MAST3: variants seen among roughly 807,000 people sequenced by gnomAD.
MAST3 encodes the protein microtubule associated serine/threonine kinase 3, also known as microtubule-associated serine/threonine-protein kinase 3.
In MAST3, 43 loss-of-function variants were observed where a neutral mutation model predicts 127.0. That is an observed-to-expected ratio of 0.34 (90% CI 0.27 to 0.44). MAST3 has a LOEUF of 0.44. Among genes scored for constraint, MAST3 ranks in the 20% least tolerant of loss-of-function variants. The pLI is 1.00. For missense variants in MAST3, 1,390 were observed against 1,919.1 expected (o/e 0.72, Z 5.15); for synonymous variants, 785 against 809.2 (o/e 0.97, Z 0.51).
At chr19:18,127,703 AC>A (rs1371316213) in intron 11 of MAST3, among the ~76,000 whole-genome samples, 1 of 151,712 alleles carries the variant, frequency 6.6e-6, no homozygotes, top group Non-Finnish European at 1.5e-5. Flanking sequence ...AAATACAAAT[AC>A]AAAAATTAGC....
chr19:18,143,069 G>T (rs1473482705), intron 21 of MAST3, among the ~76,000 whole-genome samples: 2 of 148,490 alleles, frequency 1.3e-5, no homozygotes, highest in African/African-American at 4.9e-5. Flanking sequence ...CCAAGATCGT[G>T]CCACTGCACT....
rs2040384715 is a variant in MAST3 at position 18,124,634 on chromosome 19, G to C, written c.946-8G>C. The C allele has an allele frequency of 1.3e-6, 2 of 1,565,806 alleles. No individual in the cohort carries two copies. Among genetic ancestry groups the C allele is most frequent in the Non-Finnish European group, 8.6e-7 (1 of 1,157,486 alleles). ...AGCCCTGGGTGACCAGCCCTCCTGT[G>C]CCCCTAGGAGTTTGACCCTGAGGAA... On this transcript the variant is annotated splice_polypyrimidine_tract_variant and splice_region_variant and intron_variant, in intron 10 of 27. Coordinates refer to ENST00000687212, the MANE Select transcript of MAST3 (RefSeq NM_001393504.1).
At chr19:18,103,096 G>A (rs1488346196) in intron 1 of MAST3, among the ~76,000 whole-genome samples, 10 of 152,216 alleles carry the variant, frequency 6.6e-5, no homozygotes, top group Admixed American at 6.5e-4. Context: ...GGGAACAGCA[G>A]GCACAGAGGG....
chr19:18,128,988 A>C (rs778083142), intron 13 of MAST3, 37 bp downstream of exon 13: 1 of 1,569,078 alleles, frequency 6.4e-7, no homozygotes, highest in South Asian at 1.1e-5. Context: ...CATTTCACAG[A>C]TGCCTGAGGG....
At chr19:18,116,813 T>C (rs1366632389) in intron 3 of MAST3, among the ~76,000 whole-genome samples, 12 of 145,018 alleles carry the variant, frequency 8.3e-5, no homozygotes, top group African/African-American at 3.0e-4. Context: ...CTCGGGAGGC[T>C]GAGACAGGAG....
intron 12 of MAST3, among the ~76,000 whole-genome samples, 167 bp downstream of exon 12, chr19:18,128,625 G>C (rs1006772986): frequency 6.6e-6 from 1 of 152,236 alleles, no homozygotes; most frequent in Admixed American, 6.5e-5. Context: ...CTTGGAAGTC[G>C]GGTGGGGGCA....
At chr19:18,134,740 G>A (rs543957739) in intron 16 of MAST3, 29 bp downstream of exon 16, 33 of 1,612,966 alleles carry the variant, frequency 2.0e-5, no homozygotes, top group Middle Eastern at 1.7e-4. Context: ...GGGCAGCCCC[G>A]GGATGCCTCC....
At position 18,120,720 on chromosome 19, in the gene MAST3, T is replaced by C. The variant is rs143554542; in HGVS notation, c.162-965T>C. Among the ~76,000 whole-genome samples, 1,010 of 144,892 alleles carry C rather than the reference T, an allele frequency of 7.0e-3. 37 individuals carry two copies. Among genetic ancestry groups the C allele is most frequent in the Admixed American group, 0.063 (909 of 14,542 alleles). On this transcript the variant is annotated intron_variant, in intron 3 of 27. Coordinates refer to ENST00000687212, the MANE Select transcript of MAST3 (RefSeq NM_001393504.1). ...CTGGCTAATTTTTGGTTTTTTTGTTTTGTTTTGTTTTGTTTTGTTTTTTGA... is the reference window on the plus strand; with the variant it reads ...CTGGCTAATTTTTGGTTTTTTTGTTCTGTTTTGTTTTGTTTTGTTTTTTGA...
chr19:18,124,757 C>G lies in MAST3; in HGVS notation c.1061C>G (p.Ala354Gly). Residue 354 changes from alanine to glycine, a missense_variant, in exon 11 of 28, where the codon GCC becomes GGC. Ala to Gly is a moderately conservative substitution (Grantham distance 60). Coordinates refer to ENST00000687212, the MANE Select transcript of MAST3 (RefSeq NM_001393504.1). ...TACATCATTGGGCAGCTGGGCCTGGCCAAGGACCCCCTGGAGGGTAAGCCG... is the reference window on the plus strand; with the variant it reads ...TACATCATTGGGCAGCTGGGCCTGGGCAAGGACCCCCTGGAGGGTAAGCCG... ...PQYIIGQLGL[A>G]KDPLEEMVPL... The G allele has an allele frequency of 6.3e-7, 1 of 1,599,694 alleles. No homozygotes were observed. The highest frequency in any genetic ancestry group is 8.5e-7 in the Non-Finnish European group (1 of 1,172,560).
At chr19:18,132,590 G>A (rs969594258) in intron 15 of MAST3, among the ~76,000 whole-genome samples, 2 of 152,178 alleles carry the variant, frequency 1.3e-5, no homozygotes, top group Non-Finnish European at 2.9e-5. Context: ...ATTCTGGTAG[G>A]TGGTAAGCAC....
intron 14 of MAST3, 124 bp downstream of exon 14, chr19:18,130,826 G>A (rs1367225480): frequency 2.2e-6 from 2 of 929,520 alleles, no homozygotes; most frequent in African/African-American, 1.6e-5. Flanking sequence ...CTGCTTTGGG[G>A]AACCCTCAGG....
intron 1 of MAST3, 92 bp from the exon 2 acceptor site, chr19:18,107,495 C>A: frequency 8.0e-7 from 1 of 1,248,248 alleles, no homozygotes; most frequent in Non-Finnish European, 1.2e-6. Flanking sequence ...TTGGTTGGGG[C>A]ATGGGATTGG....
intron 3 of MAST3, among the ~76,000 whole-genome samples, chr19:18,114,615 G>A (rs371024598): frequency 6.6e-6 from 1 of 152,176 alleles, no homozygotes; most frequent in African/African-American, 2.4e-5. Context: ...CTCAGGGCAG[G>A]CCCAGGGTGT....
rs759410005 is a variant in MAST3, at chr19:18,128,904, C to G, written c.1176C>G (p.Cys392Trp). The G allele has an allele frequency of 6.2e-7, 1 of 1,613,844 alleles. No homozygotes were observed. Among genetic ancestry groups the G allele is most frequent in the Non-Finnish European group, 8.5e-7 (1 of 1,179,880 alleles). The change falls in exon 13 of 28, where the codon TGC (cysteine) becomes TGG (tryptophan). Residue 392 changes from cysteine (C) to tryptophan (W), a missense_variant. This residue lies in a region of MAST3 where 277 missense variants were observed against 384.8 expected (regional missense o/e 0.72). Transcript: ENST00000687212. ...TCGGCCAGTCACGGAGGAAGCCATGCGAAAGCGACTTTGAGACCATCAAAC... is the reference window on the plus strand; with the variant it reads ...TCGGCCAGTCACGGAGGAAGCCATGGGAAAGCGACTTTGAGACCATCAAAC... ...ALVGQSRRKP[C>W]ESDFETIKLI...
At chr19:18,138,304 CCTGGT>C (rs2042094359) in intron 19 of MAST3, among the ~76,000 whole-genome samples, 1 of 139,658 alleles carries the variant, frequency 7.2e-6, no homozygotes, top group African/African-American at 2.7e-5. Flanking sequence ...AATTCCCGCC[CCTGGT>C]CCCACAACCT....
intron 27 of MAST3, among the ~76,000 whole-genome samples, chr19:18,148,320 G>A (rs948857388): frequency 1.4e-4 from 22 of 151,922 alleles, no homozygotes; most frequent in Middle Eastern, 6.3e-3. Context: ...AAATTAGGTG[G>A]TTGTGGTGGT....
In MAST3 at chr19:18,129,727, C is replaced by A. The variant is rs183350687; in HGVS notation, c.1224-767C>A. Among the ~76,000 whole-genome samples the A allele has an allele frequency of 7.9e-5, 12 of 152,076 alleles. No homozygotes were observed. The East Asian group carries it at 2.3e-3, about 29-fold the overall frequency. ...ATCGCTTGAGGCCAGGAGTTCGAGACCAGCCTGGGCAACATGGCAAAACTC... is the reference window on the plus strand; with the variant it reads ...ATCGCTTGAGGCCAGGAGTTCGAGAACAGCCTGGGCAACATGGCAAAACTC... On this transcript the variant is annotated intron_variant, in intron 13 of 27. Coordinates refer to ENST00000687212, the MANE Select transcript of MAST3 (RefSeq NM_001393504.1).
chr19:18,112,254 C>T lies in MAST3; in HGVS notation c.161+1513C>T, dbSNP rs2038733290. 6.6e-6 allele frequency among the ~76,000 whole-genome samples: 1 copy of T among 152,212 alleles called. No individual in the cohort carries two copies. Among genetic ancestry groups the T allele is most frequent in the Non-Finnish European group, 1.5e-5 (1 of 68,034 alleles). ...CTCGGCTCACTGCAACCTCTGCCTC[C>T]CAGGTTCAAGTGATTCTCCTGTTTC... On this transcript the variant is annotated intron_variant, in intron 3 of 27. Transcript: ENST00000687212. The surrounding 1 kb of genome is among the most constrained non-coding windows in gnomAD (Gnocchi z 4.1).
intron 1 of MAST3, 140 bp from the exon 2 acceptor site, chr19:18,107,447 G>A: frequency 1.1e-6 from 1 of 880,482 alleles, no homozygotes; most frequent in South Asian, 1.4e-5. Context: ...CCTTGAGGCA[G>A]GGCTGAGCCA....
Sources: gnomAD v4.1 joint callset for allele counts (sites outside exome capture counted in the v4.1 genomes callset) on GRCh38, gnomAD v4.1.1 for gene constraint, gnomAD v4.1.1 regional missense constraint, Gnocchi (gnomAD v3.1) non-coding constraint, MANE v1.5 for transcripts, NCBI Gene and HGNC (gene_info 2026-07-23, HGNC 2026-07-21) for gene names.